Variants in PALM observed in about 807,000 individuals in gnomAD.
PALM encodes paralemmin.
PALM carries 18 observed loss-of-function variants against 30.7 expected under a neutral mutation model. The observed-to-expected ratio is 0.59, with a 90% CI of 0.41 to 0.87. The LOEUF is 0.87. PALM is among the 40% of genes least tolerant of loss of function. The probability of loss-of-function intolerance (pLI) is 0.00; values close to 1 mark genes in which losing one functional copy is unlikely to be tolerated. For synonymous variants in PALM, 286 were observed against 242.8 expected, an observed-to-expected ratio of 1.18 and a Z score of -1.66; for missense variants, 529 against 555.4, an observed-to-expected ratio of 0.95 and a Z score of 0.48.
chr19:710,470 G>A (rs2032036975), intron 1 of PALM, among the ~76,000 whole-genome samples: 1 of 152,094 alleles, frequency 6.6e-6, no homozygotes, highest in Non-Finnish European at 1.5e-5. Flanking sequence ...GGAGCCTCTG[G>A]GCCTCTGACA....
chr19:744,256 C>T (rs900701686), intron 8 of PALM, among the ~76,000 whole-genome samples: 5 of 151,686 alleles, frequency 3.3e-5, no homozygotes, highest in African/African-American at 7.3e-5. Flanking sequence ...AAAAATTAGC[C>T]AGGTGTGGTG....
At chr19:739,522 GATAA>G (rs989032945) in intron 7 of PALM, among the ~76,000 whole-genome samples, 22 of 151,798 alleles carry the variant, frequency 1.4e-4, no homozygotes, top group African/African-American at 5.1e-4. Flanking sequence ...TTCCAAAAAA[GATAA>G]ATAAATTAGC....
intron 3 of PALM, 149 bp downstream of exon 3, chr19:727,237 C>CGACCCTGACCCCGACCCT: frequency 5.8e-6 from 3 of 516,200 alleles, no homozygotes; most frequent in Non-Finnish European, 9.9e-6. Context: ...ACCCTGACCC[C>CGACCCTGACCCCGACCCT]GACCCCGACC....
At chr19:727,237 C>CGACCCTGACCCTGACCCCGACCCT (rs145921312) in intron 3 of PALM, 149 bp downstream of exon 3, 5 of 520,154 alleles carry the variant, frequency 9.6e-6, no homozygotes, top group African/African-American at 2.8e-5. Context: ...ACCCTGACCC[C>CGACCCTGACCCTGACCCCGACCCT]GACCCCGACC....
At chr19:729,399 C>T (rs947062662) in intron 4 of PALM, among the ~76,000 whole-genome samples, 48 of 151,254 alleles carry the variant, frequency 3.2e-4, no homozygotes, top group Admixed American at 1.3e-3. Context: ...GTGTTACCCA[C>T]TCCCTGGGCC....
chr19:736,117 G>C (rs755088361), intron 7 of PALM, 39 bp downstream of exon 7: 11 of 1,507,026 alleles, frequency 7.3e-6, no homozygotes, highest in Non-Finnish European at 9.1e-6. Flanking sequence ...AGATCCAGCC[G>C]CTGTCAGGGA....
chr19:746,420 G>T lies in PALM; in HGVS notation c.770G>T (p.Arg257Leu), dbSNP rs550258310. 3 of 1,610,458 alleles carry T rather than the reference G, an allele frequency of 1.9e-6. No homozygotes were observed. The highest frequency in any genetic ancestry group is 2.5e-6 in the Non-Finnish European group (3 of 1,178,540). Reference sequence around the variant, plus strand: ...TCCACGGCCGGGGCGGCAGAGACCCGGGGGGCTGTGGAGGGGGCAGCCCGG... The same window carrying T: ...TCCACGGCCGGGGCGGCAGAGACCCTGGGGGCTGTGGAGGGGGCAGCCCGG... ...AGSTAGAAET[R>L]GAVEGAARTT... The change falls in exon 9 of 9, where the codon CGG (arginine) becomes CTG (leucine). Residue 257 changes from arginine (R) to leucine (L), a missense_variant. By Grantham distance (102) the Arg-to-Leu change is moderately radical. Coordinates refer to ENST00000338448, the MANE Select transcript of PALM (RefSeq NM_002579.3). This position sits in a 1 kb window ranked among gnomAD's most constrained non-coding sequence, Gnocchi z 7.1.
chr19:712,272 C>T (rs1163685358), intron 1 of PALM, among the ~76,000 whole-genome samples: 3 of 151,582 alleles, frequency 2.0e-5, no homozygotes, highest in Admixed American at 6.6e-5. Context: ...ATCCGCCTGC[C>T]TCGGCCTCCC....
intron 8 of PALM, among the ~76,000 whole-genome samples, chr19:741,892 C>T (rs541906694): frequency 4.1e-4 from 62 of 152,240 alleles, no homozygotes; most frequent in Non-Finnish European, 8.2e-4. Flanking sequence ...TGTCGCCCGG[C>T]CCGCAGTGCA....
At chr19:726,975 C>T (rs1322209829) in intron 2 of PALM, 33 bp from the exon 3 acceptor site, 3 of 1,264,668 alleles carry the variant, frequency 2.4e-6, no homozygotes, top group Non-Finnish European at 3.3e-6. Context: ...GACCCCCACG[C>T]CCATCCCTGA....
chr19:740,899 G>C (rs2033166965), intron 8 of PALM, among the ~76,000 whole-genome samples: 1 of 151,932 alleles, frequency 6.6e-6, no homozygotes, highest in Non-Finnish European at 1.5e-5. Context: ...GGGAGGCCGA[G>C]GGAGGAGGAT....
Position 742,411 on chromosome 19 carries a change from C to T in PALM, c.634+1928C>T, listed in dbSNP as rs1474657746. 6.6e-6 allele frequency among the ~76,000 whole-genome samples: 1 copy of T among 152,130 alleles called. No individual in the cohort carries two copies. The highest frequency in any genetic ancestry group is 1.5e-5 in the Non-Finnish European group (1 of 68,032). Reference sequence around the variant, plus strand: ...CCTGAGGTCAGGAGTTCGAGACCAGCCTGGCCAACATGGAGAACCCCCGTC... The same window carrying T: ...CCTGAGGTCAGGAGTTCGAGACCAGTCTGGCCAACATGGAGAACCCCCGTC... On this transcript the variant is annotated intron_variant, in intron 8 of 8. Coordinates refer to ENST00000338448, the MANE Select transcript of PALM (RefSeq NM_002579.3). The surrounding 1 kb of genome is among the most constrained non-coding windows in gnomAD (Gnocchi z 5.5).
chr19:738,293 G>C (rs777122628), intron 7 of PALM, among the ~76,000 whole-genome samples: 1 of 152,144 alleles, frequency 6.6e-6, no homozygotes, highest in Non-Finnish European at 1.5e-5. Context: ...TTGGGAGGCC[G>C]AGGGGGGCAG....
chr19:729,737 C>T (rs1004456432), intron 4 of PALM, among the ~76,000 whole-genome samples: 6 of 152,076 alleles, frequency 3.9e-5, no homozygotes, highest in Non-Finnish European at 5.9e-5. Flanking sequence ...GCTGGGATTA[C>T]AGGTGTGAGC....
Position 727,049 on chromosome 19 carries a change from G to A in PALM, c.99G>A (p.Arg33=). 1.3e-6 allele frequency: 2 copies of A among 1,534,718 alleles called. No homozygotes were observed. Among genetic ancestry groups the A allele is most frequent in the Admixed American group, 2.0e-5 (1 of 50,478 alleles). Residue 33 remains arginine, a synonymous_variant, in exon 3 of 9, where the codon CGG becomes CGA. Coordinates refer to ENST00000338448, the MANE Select transcript of PALM (RefSeq NM_002579.3). The part of the protein sequence containing the change: ...KRQAEIENKR[R]QLEDERRQLQ... Reference sequence around the variant, plus strand: ...AGGCGGAGATCGAGAACAAGCGCCGGCAGCTGGAGGACGAGCGGAGGCAGC... The same window carrying A: ...AGGCGGAGATCGAGAACAAGCGCCGACAGCTGGAGGACGAGCGGAGGCAGC...
At chr19:727,116 A>T (rs1449883106) in intron 3 of PALM, 28 bp downstream of exon 3, 4 of 1,447,112 alleles carry the variant, frequency 2.8e-6, no homozygotes, top group Non-Finnish European at 3.8e-6. Context: ...ACCCAGGGTC[A>T]GGGAGTGCAG....
chr19:726,595 T>C (rs1358955221), intron 2 of PALM, among the ~76,000 whole-genome samples: 1 of 152,114 alleles, frequency 6.6e-6, no homozygotes, highest in Non-Finnish European at 1.5e-5. Flanking sequence ...GCCCGATTCC[T>C]GGGTTCAAGT....
chr19:724,173 G>T (rs1017801216), intron 1 of PALM, among the ~76,000 whole-genome samples: 1 of 152,148 alleles, frequency 6.6e-6, no homozygotes, highest in African/African-American at 2.4e-5. Flanking sequence ...TCCTGGGCGA[G>T]TGAGCGTGTG....
In PALM at chr19:713,908, C is replaced by CT. The variant is rs200551039; in HGVS notation, c.5+4771dup. On this transcript the variant is annotated intron_variant, in intron 1 of 8. Transcript: ENST00000338448. ...ATGTTCTTTTTTTCTTTCTTTCTTTCTTTTTTTTTTTTTTGAGACAGAGTC... is the reference window on the plus strand; with the variant it reads ...ATGTTCTTTTTTTCTTTCTTTCTTTCTTTTTTTTTTTTTTTGAGACAGAGTC... Among the ~76,000 whole-genome samples, 1,080 of 123,802 alleles carry CT rather than the reference C, an allele frequency of 8.7e-3. 10 individuals carry two copies. The highest frequency in any genetic ancestry group is 0.028 in the African/African-American group (922 of 33,244). 81.2% of individuals were successfully genotyped at this position (123,802 alleles called of 152,430 possible). A position where few individuals can be genotyped will look rare whatever the true frequency, so the allele number is the denominator to read the frequency against.
Sources: allele counts gnomAD v4.1 joint callset (sites outside exome capture counted in the v4.1 genomes callset), GRCh38; gene constraint gnomAD v4.1.1; non-coding constraint Gnocchi (gnomAD v3.1); transcripts MANE v1.5; gene names NCBI Gene and HGNC (gene_info 2026-07-23, HGNC 2026-07-21).